The following BRWD1 variants were observed in gnomAD, a reference collection of about 807,000 sequenced individuals.
BRWD1 encodes bromodomain and WD repeat domain containing 1.
In BRWD1, 82 loss-of-function variants were observed where a neutral mutation model predicts 251.2. That is an observed-to-expected ratio of 0.33 (90% confidence interval 0.27 to 0.39). The LOEUF is 0.39. Ranked by LOEUF, BRWD1 falls within the 10% of genes least tolerant of loss-of-function variation. The probability of loss-of-function intolerance (pLI) is 1.00; values close to 1 mark genes in which losing one functional copy is unlikely to be tolerated. For synonymous variants in BRWD1, 918 were observed against 902.8 expected (o/e 1.02, Z -0.30); for missense variants, 2,233 against 2,711.6 (o/e 0.82, Z 3.92).
chr21:39,312,085 C>T (rs911451308), intron 4 of BRWD1, among the ~76,000 whole-genome samples: 3 of 152,096 alleles, frequency 2.0e-5, no homozygotes, highest in Non-Finnish European at 4.4e-5. Context: ...TAAAAACAAA[C>T]GAATCCCTGC....
intron 31 of BRWD1, among the ~76,000 whole-genome samples, chr21:39,216,300 G>A (rs2032888294): frequency 6.6e-6 from 1 of 151,990 alleles, no homozygotes; most frequent in Non-Finnish European, 1.5e-5. Flanking sequence ...AAAAGACCAA[G>A]TATTAACTAT....
chr21:39,200,130 G>A (rs1255375519), intron 39 of BRWD1, 89 bp downstream of exon 39: 8 of 1,205,230 alleles, frequency 6.6e-6, no homozygotes, highest in South Asian at 6.1e-5. Flanking sequence ...TTAATCTTAC[G>A]TAGATGCATT....
chr21:39,257,263 T>C (rs1022270950), intron 18 of BRWD1, among the ~76,000 whole-genome samples: 2 of 151,688 alleles, frequency 1.3e-5, no homozygotes, highest in Non-Finnish European at 2.9e-5. Context: ...TTCTAGAATA[T>C]ATTGTTAAGG....
At chr21:39,234,421 A>AT (rs1336859998) in intron 23 of BRWD1, among the ~76,000 whole-genome samples, 1 of 152,236 alleles carries the variant, frequency 6.6e-6, no homozygotes, top group African/African-American at 2.4e-5. Flanking sequence ...TTAAAGCAAC[A>AT]TTTGAGACAA....
At position 39,312,826 on chromosome 21, in the gene BRWD1, G is replaced by A. The variant is rs778466255; in HGVS notation, c.198+15C>T. On this transcript the variant is annotated intron_variant, in intron 4 of 40. Coordinates refer to ENST00000342449, the MANE Select transcript of BRWD1 (RefSeq NM_033656.4). ...TGCACGGAAAACCCGGGGAGCAAAC[G>A]TGCCCAATGCTCACCAACTCCTCGT... 4.4e-6 allele frequency: 7 copies of A among 1,588,714 alleles called. No individual in the cohort carries two copies. The highest frequency in any genetic ancestry group is 4.7e-5 in the East Asian group (2 of 42,642).
At chr21:39,216,205 G>GTT (rs2032885336) in intron 31 of BRWD1, among the ~76,000 whole-genome samples, 5 of 152,086 alleles carry the variant, frequency 3.3e-5, no homozygotes, top group African/African-American at 4.8e-5. Flanking sequence ...AAATCATTAA[G>GTT]AATAGGAAAT....
At chr21:39,314,722 TG>T (rs2036660794), upstream of BRWD1, 6 of 252,128 alleles carry the variant, frequency 2.4e-5, no homozygotes, top group South Asian at 2.4e-4. Context: ...TTCTTACTCA[TG>T]GCAATAACCT....
At chr21:39,278,568 G>C in intron 10 of BRWD1, 175 bp downstream of exon 10, 1 of 530,066 alleles carries the variant, frequency 1.9e-6, no homozygotes, top group Non-Finnish European at 3.4e-6. Context: ...GAGAAAGGCA[G>C]ACTGGAGGAC....
rs1399267439 is a variant in BRWD1 at position 39,229,405 on chromosome 21, C to T, written c.3032G>A (p.Arg1011Gln). Reference sequence around the variant, plus strand: ...GAGTGTAGGGGGCCCAACTTCATATCGTATTCCAACTATTTTAACCAATTC... The same window carrying T: ...GAGTGTAGGGGGCCCAACTTCATATTGTATTCCAACTATTTTAACCAATTC... ...DQELVKIVGI[R>Q]YEVGPPTLCC... Residue 1011 changes from arginine (R) to glutamine (Q), a missense_variant, in exon 26 of 41, where the codon CGA (arginine) becomes CAA (glutamine). By Grantham distance (43) the Arg-to-Gln change is conservative. This residue lies in a region of BRWD1 where 139 missense variants were observed against 272.8 expected (regional missense o/e 0.51). Coordinates refer to ENST00000342449, the MANE Select transcript of BRWD1 (RefSeq NM_033656.4). 1.2e-6 allele frequency: 2 copies of T among 1,609,788 alleles called. No individual in the cohort carries two copies. The highest frequency in any genetic ancestry group is 1.3e-5 in the African/African-American group (1 of 74,794).
intron 4 of BRWD1, among the ~76,000 whole-genome samples, chr21:39,308,801 T>G: frequency 6.6e-6 from 1 of 152,076 alleles, no homozygotes. Context: ...ATGTAAAACA[T>G]TCTACAGGAT....
At chr21:39,314,053 G>C (rs1196266171), upstream of BRWD1, 1 of 455,930 alleles carries the variant, frequency 2.2e-6, no homozygotes, top group Admixed American at 2.3e-5. Flanking sequence ...GTTGGGCAAG[G>C]TCGCCCGCTC....
At chr21:39,280,117 C>G in intron 9 of BRWD1, 31 bp downstream of exon 9, 1 of 1,467,852 alleles carries the variant, frequency 6.8e-7, no homozygotes, top group Non-Finnish European at 9.3e-7. Flanking sequence ...CATTAAAAAA[C>G]AAAACCTGTT....
In BRWD1 at chr21:39,206,123, G is replaced by C. The variant is rs770416638; in HGVS notation, c.4349C>G (p.Pro1450Arg). The C allele has an allele frequency of 6.2e-7, 1 of 1,609,046 alleles. No homozygotes were observed. Among genetic ancestry groups the C allele is most frequent in the Non-Finnish European group, 8.5e-7 (1 of 1,178,550 alleles). Residue 1450 changes from proline to arginine, a missense_variant, in exon 37 of 41, where the codon CCT becomes CGT. Around this residue, in one of 12 missense-constraint regions of BRWD1, gnomAD observed 928 missense variants for 970.0 expected, o/e 0.96. Transcript: ENST00000342449. ...QRQNCKGDSQ[P>R]NKSIRNLKPK... ...ACCAGTTTACCTGATACTTTTGTTAGGCTGACTGTCACCTTTACAATTTTG... is the reference window on the plus strand; with the variant it reads ...ACCAGTTTACCTGATACTTTTGTTACGCTGACTGTCACCTTTACAATTTTG...
intron 36 of BRWD1, among the ~76,000 whole-genome samples, chr21:39,206,605 G>A (rs897805221): frequency 6.6e-6 from 1 of 152,212 alleles, no homozygotes; most frequent in Non-Finnish European, 1.5e-5. Context: ...CCCAAAGTTA[G>A]ATGGGAAGTT....
At chr21:39,251,962 T>C (rs1388669347) in intron 19 of BRWD1, among the ~76,000 whole-genome samples, 5 of 151,810 alleles carry the variant, frequency 3.3e-5, no homozygotes, top group African/African-American at 1.2e-4. Flanking sequence ...GATCATAGAG[T>C]GTATATAAAA....
rs2031404046 is a variant in BRWD1, at chr21:39,189,040, A to G, written c.*7219T>C. ...AAAGACACTTCTCTTGGGAATTTTA[A>G]AATTATGAACTAGTATCTCCAACAA... is the stretch of plus-strand genomic sequence containing the variant. On this transcript the variant is annotated 3_prime_UTR_variant, in exon 41 of 41. Coordinates refer to ENST00000342449, the MANE Select transcript of BRWD1 (RefSeq NM_033656.4). 1.0e-6 allele frequency: 1 copy of G among 985,314 alleles called. No individual in the cohort carries two copies. Among genetic ancestry groups the G allele is most frequent in the Middle Eastern group, 5.2e-4 (1 of 1,914 alleles). 61.0% of individuals were successfully genotyped at this position (985,314 alleles called of 1,614,324 possible). A position where few individuals can be genotyped will look rare whatever the true frequency, so the allele number is the denominator to read the frequency against.
intron 21 of BRWD1, among the ~76,000 whole-genome samples, chr21:39,239,647 G>A (rs1312267316): frequency 6.6e-6 from 1 of 152,056 alleles, no homozygotes; most frequent in Non-Finnish European, 1.5e-5. Context: ...TGGCTATACT[G>A]GATCTTCTTC....
intron 4 of BRWD1, 49 bp downstream of exon 4, chr21:39,312,791 CG>C (rs761237487): frequency 6.2e-6 from 9 of 1,458,574 alleles, no homozygotes; most frequent in Admixed American, 1.8e-5. Context: ...GGGGCGGGGG[CG>C]GGGGGCGGTG....
chr21:39,298,613 G>A (rs779728703), intron 4 of BRWD1, 31 bp from the exon 5 acceptor site: 11 of 1,517,738 alleles, frequency 7.2e-6, no homozygotes, highest in Admixed American at 2.2e-5. Context: ...AATGACAACA[G>A]CTTAATAATA....
Sources: gnomAD v4.1 joint callset for allele counts (sites outside exome capture counted in the v4.1 genomes callset) on GRCh38, gnomAD v4.1.1 for gene constraint, gnomAD v4.1.1 regional missense constraint, MANE v1.5 for transcripts, NCBI Gene and HGNC (gene_info 2026-07-23, HGNC 2026-07-21) for gene names.